Variants in ZNF503 observed in about 807,000 individuals in gnomAD.
The protein encoded by ZNF503 is zinc finger protein 503.
Under a neutral mutation model 34.4 loss-of-function variants are expected in ZNF503, and 15 were observed. The observed-to-expected ratio is 0.44, with a 90% CI of 0.29 to 0.67. The LOEUF (loss-of-function observed/expected upper bound fraction) is 0.67, where lower values mean the gene tolerates loss of function less well. Ranked by LOEUF, ZNF503 falls within the 30% of genes least tolerant of loss-of-function variation. The pLI, the probability that ZNF503 is intolerant of heterozygous loss-of-function variation, is 0.13. For missense variants in ZNF503, 1,007 were observed against 926.8 expected (o/e 1.09, Z -1.12); for synonymous variants, 580 against 456.8 (o/e 1.27, Z -3.44).
At chr10:75,288,674 A>ACAC in the ZNF503 span, 1 of 152,674 alleles carries the variant, frequency 6.5e-6, no homozygotes, top group South Asian at 2.1e-4. Context: ...CTGTGGAACA[A>ACAC]CTCAGGGTAA....
At chr10:75,289,961 G>A in the ZNF503 span, among the ~76,000 whole-genome samples, 1 of 152,104 alleles carries the variant, frequency 6.6e-6, no homozygotes, top group African/African-American at 2.4e-5. Context: ...TCTTCACCTT[G>A]TAAAACAGAA....
the ZNF503 span, among the ~76,000 whole-genome samples, chr10:75,323,331 T>G: frequency 6.6e-6 from 1 of 152,220 alleles, no homozygotes; most frequent in African/African-American, 2.4e-5. Context: ...TAAAAATTAT[T>G]TATTTTTATA....
Position 75,400,300 on chromosome 10 carries a change from G to A in ZNF503, c.390C>T (p.Pro130=), listed in dbSNP as rs72807457. Reference sequence around the variant, plus strand: ...AGGCAACCGAGGAGAGTTTGGAGGAGGGCGAGGGGTCGGGCTTCCCGATCT... The same window carrying A: ...AGGCAACCGAGGAGAGTTTGGAGGAAGGCGAGGGGTCGGGCTTCCCGATCT... ...CSQIGKPDPS[P]SSKLSSVASN... is the part of the protein sequence containing the mutation. Residue 130 remains proline (P), a synonymous_variant, in exon 2 of 2, where the codon CCC becomes CCT. Coordinates refer to ENST00000372524, the MANE Select transcript of ZNF503 (RefSeq NM_032772.6). 6,384 of 1,613,194 alleles carry A rather than the reference G, an allele frequency of 4.0e-3. 22 individuals are homozygous for A. The highest frequency in any genetic ancestry group is 5.1e-3 in the Non-Finnish European group (6,006 of 1,179,676).
the ZNF503 span, among the ~76,000 whole-genome samples, chr10:75,327,687 A>G: frequency 1.3e-5 from 2 of 152,166 alleles, no homozygotes; most frequent in South Asian, 4.1e-4. Context: ...TGTTTTCCAT[A>G]ATGGCTGTCC....
At chr10:75,358,659 A>C in the ZNF503 span, 1 of 152,198 alleles carries the variant, frequency 6.6e-6, no homozygotes, top group East Asian at 1.9e-4. Flanking sequence ...GTACAGTGCC[A>C]ACCACATTCC....
chr10:75,297,299 T>C, the ZNF503 span, among the ~76,000 whole-genome samples: 1 of 152,038 alleles, frequency 6.6e-6, no homozygotes, highest in Non-Finnish European at 1.5e-5. Flanking sequence ...CATTGAAAAA[T>C]GTCTGTGTTT....
downstream of ZNF503, among the ~76,000 whole-genome samples, chr10:75,394,037 G>A (rs1485533462): frequency 6.6e-6 from 1 of 152,132 alleles, no homozygotes; most frequent in Non-Finnish European, 1.5e-5. Context: ...ACTTCATCAG[G>A]CAAGAGCAGC....
chr10:75,323,991 CAA>C, the ZNF503 span, among the ~76,000 whole-genome samples: 1,396 of 42,794 alleles, frequency 0.033, 21 homozygotes, highest in African/African-American at 0.091. Flanking sequence ...AACTCCGTCT[CAA>C]AAAAAAAAAA....
At chr10:75,334,030 C>T in the ZNF503 span, among the ~76,000 whole-genome samples, 6 of 127,500 alleles carry the variant, frequency 4.7e-5, no homozygotes, top group East Asian at 6.7e-4. Flanking sequence ...GGCGGCCGGG[C>T]GGAGACGCTC....
chr10:75,387,910 TG>T, the ZNF503 span, among the ~76,000 whole-genome samples: 6 of 152,168 alleles, frequency 3.9e-5, no homozygotes, highest in African/African-American at 1.4e-4. Flanking sequence ...CTGCATCAGA[TG>T]GGCTGCCAGA....
At chr10:75,379,915 G>T in the ZNF503 span, among the ~76,000 whole-genome samples, 1 of 152,162 alleles carries the variant, frequency 6.6e-6, no homozygotes, top group Non-Finnish European at 1.5e-5. Flanking sequence ...TCCTCATCAC[G>T]TGCTTCTTCC....
In ZNF503 at chr10:75,399,151, G is replaced by A. The variant is rs1168855671; in HGVS notation, c.1539C>T (p.Pro513=). The A allele has an allele frequency of 3.1e-6, 5 of 1,613,242 alleles. No individual in the cohort carries two copies. Among genetic ancestry groups the A allele is most frequent in the South Asian group, 2.2e-5 (2 of 91,056 alleles). The part of the protein sequence containing the change: ...YGFMLPNDPL[P]HICNWVSANG... ...TGGCCGACACCCAGTTGCAGATGTG[G>A]GGGAGTGGGTCGTTAGGGAGCATAA... is the stretch of plus-strand genomic sequence containing the variant. Residue 513 remains proline (P), a synonymous_variant, in exon 2 of 2, where the codon CCC becomes CCT. Transcript: ENST00000372524.
the ZNF503 span, among the ~76,000 whole-genome samples, chr10:75,383,927 T>C: frequency 1.3e-5 from 2 of 152,232 alleles, no homozygotes; most frequent in Admixed American, 1.3e-4. Flanking sequence ...GCCAGACCCT[T>C]GCCCTGGCAG....
the ZNF503 span, chr10:75,382,631 T>C: frequency 1.3e-5 from 5 of 390,566 alleles, no homozygotes; most frequent in African/African-American, 4.4e-5. Flanking sequence ...CTCGAATGCA[T>C]GACTGTTCTA....
the ZNF503 span, among the ~76,000 whole-genome samples, chr10:75,337,366 T>C: frequency 6.8e-6 from 1 of 146,946 alleles, no homozygotes; most frequent in Non-Finnish European, 1.5e-5. Context: ...GGCTCACACT[T>C]GTAATCCCAG....
chr10:75,400,864 G>T, intron 1 of ZNF503: 1 of 640,716 alleles, frequency 1.6e-6, no homozygotes. Context: ...TCGGGGTAGG[G>T]GCTTTCATAT....
the ZNF503 span, among the ~76,000 whole-genome samples, chr10:75,357,712 G>C: frequency 6.6e-6 from 1 of 152,130 alleles, no homozygotes; most frequent in Non-Finnish European, 1.5e-5. Flanking sequence ...AGAGCACACA[G>C]CTAAGATGTG....
chr10:75,399,103 G>A lies in ZNF503; in HGVS notation c.1587C>T (p.Phe529=), dbSNP rs138110537. Reference sequence around the variant, plus strand: ...GGCTCAGCAGCTCTTCGGACGTGGCGAAGCGCTTGTCGCACGGCCCGTTGG... The same window carrying A: ...GGCTCAGCAGCTCTTCGGACGTGGCAAAGCGCTTGTCGCACGGCCCGTTGG... ...VSANGPCDKR[F]ATSEELLSHL... The change falls in exon 2 of 2, where the codon TTC becomes TTT. Residue 529 remains phenylalanine, a synonymous_variant. Transcript: ENST00000372524. 63 of 1,613,626 alleles carry A rather than the reference G, an allele frequency of 3.9e-5. No individual in the cohort carries two copies. Among genetic ancestry groups the A allele is most frequent in the African/African-American group, 5.3e-5 (4 of 74,928 alleles).
At chr10:75,315,925 GGTGGGGTAGA>G in the ZNF503 span, among the ~76,000 whole-genome samples, 3 of 152,050 alleles carry the variant, frequency 2.0e-5, no homozygotes, top group Non-Finnish European at 4.4e-5. Flanking sequence ...ACCAAAAGAG[GGTGGGGTAGA>G]CATAAATCGA....
Sources: gnomAD v4.1 joint callset for allele counts (sites outside exome capture counted in the v4.1 genomes callset) on GRCh38, gnomAD v4.1.1 for gene constraint, MANE v1.5 for transcripts, NCBI Gene and HGNC (gene_info 2026-07-23, HGNC 2026-07-21) for gene names.